Variants in CUX2 observed in about 807,000 individuals in gnomAD.
CUX2 encodes cut like homeobox 2, also known as homeobox protein cut-like 2.
In CUX2, 40 loss-of-function variants were observed where a neutral mutation model predicts 144.8. The ratio of observed to expected loss-of-function variants is 0.28; its 90% CI spans 0.21 to 0.36. The LOEUF is 0.36. Among genes scored for constraint, CUX2 ranks in the 10% least tolerant of loss-of-function variants. The pLI, the probability that CUX2 is intolerant of heterozygous loss-of-function variation, is 1.00. For missense variants in CUX2, 1,615 were observed against 1,994.0 expected, an observed-to-expected ratio of 0.81 and a Z score of 3.62; for synonymous variants, 827 against 875.6, an observed-to-expected ratio of 0.94 and a Z score of 0.98.
intron 1 of CUX2, among the ~76,000 whole-genome samples, chr12:111,076,093 G>C (rs529635544): frequency 1.3e-5 from 2 of 152,174 alleles, no homozygotes; most frequent in Non-Finnish European, 2.9e-5. Context: ...CAGGACTTTG[G>C]CTTTCAAGCT....
At chr12:111,095,342 C>CCAGCTATT (rs1220337356) in intron 1 of CUX2, among the ~76,000 whole-genome samples, 3 of 152,054 alleles carry the variant, frequency 2.0e-5, no homozygotes, top group Admixed American at 1.3e-4. Context: ...GTCTGTAGTC[C>CCAGCTATT]CAGCTATTCT....
chr12:111,207,020 G>T (rs931472162), intron 1 of CUX2, among the ~76,000 whole-genome samples: 1 of 152,154 alleles, frequency 6.6e-6, no homozygotes, highest in African/African-American at 2.4e-5. Context: ...ATGATTAGTT[G>T]GGTAGATAGA....
At position 111,310,168 on chromosome 12, in the gene CUX2, C is replaced by T; in HGVS notation, c.1386C>T (p.Pro462=). ...EDPLSPSPGQ[P]LLGPSLGPDG... ...CCCTGTCTCCCAGCCCCGGGCAGCC[C>T]CTGCTGGGCCCCAGCTTGGGGCCTG... Residue 462 remains proline (P), a synonymous_variant, in exon 15 of 22, where the codon CCC becomes CCT. Transcript: ENST00000261726. This position sits in a 1 kb window ranked among gnomAD's most constrained non-coding sequence, Gnocchi z 7.9. The T allele has an allele frequency of 6.4e-7, 1 of 1,554,018 alleles. No individual in the cohort carries two copies. Among genetic ancestry groups the T allele is most frequent in the South Asian group, 1.2e-5 (1 of 81,996 alleles).
intron 1 of CUX2, among the ~76,000 whole-genome samples, chr12:111,140,216 C>T (rs561392486): frequency 1.4e-4 from 21 of 152,212 alleles, no homozygotes; most frequent in Middle Eastern, 6.8e-3. Flanking sequence ...AGCTGGAAAC[C>T]CATTTAACAA....
At chr12:111,129,437 G>A (rs960391390) in intron 1 of CUX2, among the ~76,000 whole-genome samples, 3 of 152,384 alleles carry the variant, frequency 2.0e-5, no homozygotes, top group African/African-American at 7.2e-5. Flanking sequence ...GGAAAGGGTT[G>A]GAGAACAAGG....
At chr12:111,334,744 C>G in intron 19 of CUX2, 34 bp downstream of exon 19, 1 of 1,557,806 alleles carries the variant, frequency 6.4e-7, no homozygotes, top group Non-Finnish European at 8.7e-7. Flanking sequence ...GAGGCTGCCT[C>G]CCACCTGGGT....
chr12:111,328,390 G>A (rs572205116), intron 18 of CUX2, among the ~76,000 whole-genome samples: 10 of 152,248 alleles, frequency 6.6e-5, no homozygotes, highest in Non-Finnish European at 1.2e-4. Flanking sequence ...TTATCCCCAC[G>A]TCCACTGCCA....
rs569539856 is a variant in CUX2, at chr12:111,290,156, G to T, written c.302-1262G>T. Among the ~76,000 whole-genome samples the T allele has an allele frequency of 3.9e-5, 6 of 152,326 alleles. No homozygotes were observed. The South Asian group carries it at 1.2e-3, about 32-fold the overall frequency. On this transcript the variant is annotated intron_variant, in intron 4 of 21. Transcript: ENST00000261726. The stretch of plus-strand genomic sequence containing the variant: ...GCCACAGATAGCATCATAAAATCAA[G>T]AAAATGCAATGAAGCCAGGGCAACA...
At chr12:111,102,380 G>A (rs187504598) in intron 1 of CUX2, among the ~76,000 whole-genome samples, 108 of 152,210 alleles carry the variant, frequency 7.1e-4, no homozygotes, top group Non-Finnish European at 2.2e-4. Context: ...GTGGGCATCC[G>A]AGACTGTTTT....
chr12:111,040,285 TA>T (rs1215133830), intron 1 of CUX2, among the ~76,000 whole-genome samples: 160 of 142,698 alleles, frequency 1.1e-3, no homozygotes, highest in Middle Eastern at 6.9e-3. Context: ...AGACCCTGTT[TA>T]AAAAAAAAAA....
intron 1 of CUX2, among the ~76,000 whole-genome samples, chr12:111,050,893 A>G (rs1870231790): frequency 6.6e-6 from 1 of 152,212 alleles, no homozygotes; most frequent in Non-Finnish European, 1.5e-5. Context: ...GTTAATGGGT[A>G]CAAACATACA....
Position 111,308,469 on chromosome 12 carries a change from G to A in CUX2, c.1201G>A (p.Ala401Thr). ...AGACTCACTGCTTATTGCAAAGGAG[G>A]CCTTCTTCCCCACGCAGAAATTCCT... ...PEDSLLIAKE[A>T]FFPTQKFLLE... Residue 401 changes from alanine (A) to threonine (T), a missense_variant, in exon 14 of 22, where the codon GCC becomes ACC. Physicochemically the swap from Ala to Thr is moderately conservative, Grantham distance 58. Transcript: ENST00000261726. 1.2e-6 allele frequency: 2 copies of A among 1,614,144 alleles called. No individual in the cohort carries two copies. Among genetic ancestry groups the A allele is most frequent in the South Asian group, 1.1e-5 (1 of 91,074 alleles).
chr12:111,127,811 A>T (rs1875187928), intron 1 of CUX2, among the ~76,000 whole-genome samples: 1 of 152,192 alleles, frequency 6.6e-6, no homozygotes, highest in Non-Finnish European at 1.5e-5. Context: ...CAGAAGGCGA[A>T]GGGGGAGCAA....
chr12:111,089,354 G>A (rs988625755), intron 1 of CUX2, among the ~76,000 whole-genome samples: 1 of 152,146 alleles, frequency 6.6e-6, no homozygotes, highest in African/African-American at 2.4e-5. Flanking sequence ...GGAGTAATGG[G>A]GATTAAATAG....
intron 1 of CUX2, among the ~76,000 whole-genome samples, chr12:111,111,654 C>G (rs745311217): frequency 6.6e-6 from 1 of 152,114 alleles, no homozygotes; most frequent in African/African-American, 2.4e-5. Flanking sequence ...TTAATAGGCC[C>G]GGGGGTACTT....
intron 4 of CUX2, among the ~76,000 whole-genome samples, chr12:111,288,902 A>G (rs1284926120): frequency 6.6e-6 from 1 of 152,114 alleles, no homozygotes; most frequent in Non-Finnish European, 1.5e-5. Context: ...GGCGGAGGTT[A>G]CAGTGAGCCG....
intron 20 of CUX2, chr12:111,339,488 A>G (rs1018156416): frequency 2.6e-5 from 4 of 152,142 alleles, no homozygotes; most frequent in South Asian, 2.1e-4. Flanking sequence ...AAGTTCTCAC[A>G]TTGTCTGACA....
intron 4 of CUX2, chr12:111,270,641 A>AG (rs1479765698): frequency 6.7e-6 from 1 of 149,886 alleles, no homozygotes; most frequent in South Asian, 2.2e-4. Context: ...ATTAGTTAAA[A>AG]GGAAAAAAAA....
intron 1 of CUX2, among the ~76,000 whole-genome samples, chr12:111,208,814 C>A (rs1400759210): frequency 6.6e-6 from 1 of 152,192 alleles, no homozygotes; most frequent in Non-Finnish European, 1.5e-5. Flanking sequence ...TAGGGGACTG[C>A]ATTAACACCC....
Sources: gnomAD v4.1 joint callset for allele counts (sites outside exome capture counted in the v4.1 genomes callset) on GRCh38, gnomAD v4.1.1 for gene constraint, Gnocchi (gnomAD v3.1) non-coding constraint, MANE v1.5 for transcripts, NCBI Gene and HGNC (gene_info 2026-07-23, HGNC 2026-07-21) for gene names.